The following BRF1 variants were observed in gnomAD, a reference collection of about 807,000 sequenced individuals.
BRF1 encodes the protein transcription factor IIIB 90 kDa subunit.
A neutral mutation model predicts 81.7 loss-of-function variants in BRF1; 59 were observed. The observed-to-expected ratio is 0.72, with a 90% CI of 0.59 to 0.90. The LOEUF is 0.90. Ranked by LOEUF, BRF1 falls within the 40% of genes least tolerant of loss-of-function variation. BRF1 has a pLI of 0.00. For missense variants in BRF1, 1,050 were observed against 936.3 expected, an observed-to-expected ratio of 1.12 and a Z score of -1.58; for synonymous variants, 491 against 395.6, an observed-to-expected ratio of 1.24 and a Z score of -2.86.
chr14:105,297,312 T>C (rs1462311162), intron 1 of BRF1, among the ~76,000 whole-genome samples: 1 of 152,088 alleles, frequency 6.6e-6, no homozygotes, highest in Non-Finnish European at 1.5e-5. Flanking sequence ...CTCCCACCTG[T>C]AATCCCAGCA....
At position 105,221,824 on chromosome 14, in the gene BRF1, T is replaced by C. The variant is rs765951217; in HGVS notation, c.1139A>G (p.Asp380Gly). 6.1e-5 allele frequency: 98 copies of C among 1,610,920 alleles called. 2 individuals are homozygous for C. In the South Asian group the frequency reaches 9.9e-4, roughly 16 times the overall value. The stretch of plus-strand genomic sequence containing the variant: ...ACCACCAAGGAGCTCCCGGTATAAG[T>C]CTTTGTTCAGGTGGCTGGCCGCGGC... ...LEAAASHLNKDLYRELLGGAP... is the reference protein window; with the variant it reads ...LEAAASHLNKGLYRELLGGAP... The change falls in exon 11 of 18, where the codon GAC (aspartate) becomes GGC (glycine). Residue 380 changes from aspartate to glycine, a missense_variant. By Grantham distance (94) the Asp-to-Gly change is moderately conservative. Coordinates refer to ENST00000547530, the MANE Select transcript of BRF1 (RefSeq NM_001519.4).
At chr14:105,229,225 G>A (rs768627925) in intron 6 of BRF1, among the ~76,000 whole-genome samples, 1 of 152,224 alleles carries the variant, frequency 6.6e-6, no homozygotes, top group Admixed American at 6.5e-5. Flanking sequence ...GGGAAACACA[G>A]CTTGTGATGG....
intron 10 of BRF1, among the ~76,000 whole-genome samples, chr14:105,223,237 G>A (rs1216506298): frequency 6.6e-6 from 1 of 152,102 alleles, no homozygotes; most frequent in Non-Finnish European, 1.5e-5. Flanking sequence ...ACATAACCCA[G>A]CAATTTCACT....
intron 5 of BRF1, among the ~76,000 whole-genome samples, chr14:105,244,034 CAG>C (rs2054906708): frequency 6.6e-6 from 1 of 151,978 alleles, no homozygotes; most frequent in Non-Finnish European, 1.5e-5. Flanking sequence ...ACAAGCCAGG[CAG>C]AGTGGCTCAT....
Position 105,217,808 on chromosome 14 carries a change from G to C in BRF1, c.1516-8C>G, listed in dbSNP as rs775528793. 4.4e-6 allele frequency: 7 copies of C among 1,608,286 alleles called. No homozygotes were observed. The highest frequency in any genetic ancestry group is 1.7e-5 in the Admixed American group (1 of 59,972). On this transcript the variant is annotated splice_region_variant and splice_polypyrimidine_tract_variant and intron_variant, in intron 14 of 17. Coordinates refer to ENST00000547530, the MANE Select transcript of BRF1 (RefSeq NM_001519.4). ...CTTGCAAGACTTCTTGGGCTTGAGG[G>C]AAACAAGCAAGAATGCCTCCCGTGA...
chr14:105,280,505 T>G (rs2057027036), intron 2 of BRF1, among the ~76,000 whole-genome samples: 1 of 152,198 alleles, frequency 6.6e-6, no homozygotes, highest in African/African-American at 2.4e-5. Context: ...AGCGTGAGCC[T>G]GGGTGTGTGG....
chr14:105,226,055 C>T lies in BRF1; in HGVS notation c.1048+14G>A. ...TTTAAAGGTCTGAATAGGGGCCGGG[C>T]ACAGTGGACTCACCATCTTTTGCCA... is the stretch of plus-strand genomic sequence containing the variant. On this transcript the variant is annotated intron_variant, in intron 10 of 17. Coordinates refer to ENST00000547530, the MANE Select transcript of BRF1 (RefSeq NM_001519.4). 3.7e-6 allele frequency: 6 copies of T among 1,611,404 alleles called. No homozygotes were observed. The highest frequency in any genetic ancestry group is 4.2e-6 in the Non-Finnish European group (5 of 1,178,236).
chr14:105,292,157 ATGTTTTCTTATTTTT>A (rs888819884), intron 1 of BRF1, among the ~76,000 whole-genome samples: 10 of 151,928 alleles, frequency 6.6e-5, no homozygotes, highest in Admixed American at 2.0e-4. Context: ...CGCCTAGCTA[ATGTTTTCTTATTTTT>A]TGTTTTCTTT....
At chr14:105,302,034 G>C (rs1215750912), upstream of BRF1, among the ~76,000 whole-genome samples, 1 of 151,822 alleles carries the variant, frequency 6.6e-6, no homozygotes, top group Non-Finnish European at 1.5e-5. Context: ...AGCTACTCGC[G>C]AGTCTGAGAC....
chr14:105,248,889 G>A (rs2055357364), intron 5 of BRF1: 6 of 987,146 alleles, frequency 6.1e-6, no homozygotes, highest in Non-Finnish European at 7.2e-6. Context: ...GGAACTCTAC[G>A]CTCCCGCCAG....
At chr14:105,219,749 T>C (rs1014949820) in intron 12 of BRF1, 4 of 480,236 alleles carry the variant, frequency 8.3e-6, no homozygotes, top group African/African-American at 7.7e-5. Context: ...GGGTGCCCTC[T>C]TGTGTCTAGA....
intron 1 of BRF1, among the ~76,000 whole-genome samples, chr14:105,295,652 T>C (rs2057707135): frequency 1.3e-5 from 2 of 151,840 alleles, no homozygotes; most frequent in Admixed American, 6.6e-5. Context: ...GGCATGGTAG[T>C]GCATGCCCGT....
At chr14:105,212,323 T>C (rs1334850324) in intron 15 of BRF1, 159 bp from the exon 16 acceptor site, 2 of 864,096 alleles carry the variant, frequency 2.3e-6, no homozygotes, top group Non-Finnish European at 3.6e-6. Flanking sequence ...GCTCCATCAG[T>C]GCTCACTGCA....
At chr14:105,241,634 T>C in intron 5 of BRF1, 1 of 621,320 alleles carries the variant, frequency 1.6e-6, no homozygotes, top group South Asian at 1.9e-5. Flanking sequence ...CCAGCCAGCC[T>C]GCTGCAGACA....
rs757382405 is a variant in BRF1, at chr14:105,272,746, C to A, written c.414G>T (p.Leu138=). 21 of 1,613,004 alleles carry A rather than the reference C, an allele frequency of 1.3e-5. No individual in the cohort carries two copies. In the Admixed American group the frequency reaches 2.5e-4, roughly 19 times the overall value. The change falls in exon 3 of 18, where the codon CTG becomes CTT. Residue 138 remains leucine, a synonymous_variant. Coordinates refer to ENST00000547530, the MANE Select transcript of BRF1 (RefSeq NM_001519.4). Reference sequence around the variant, plus strand: ...GCGGCGTGCCCTCCGTACGGCAGACCAGGTAGAGGCAGGCAGCAATCACGT... The same window carrying A: ...GCGGCGTGCCCTCCGTACGGCAGACAAGGTAGAGGCAGGCAGCAATCACGT... ...MAHVIAACLY[L]VCRTEGTPHM... is the part of the protein sequence containing the mutation.
chr14:105,308,343 G>A (rs1490211593), intron 1 of BRF1, among the ~76,000 whole-genome samples: 2 of 151,990 alleles, frequency 1.3e-5, no homozygotes, highest in Non-Finnish European at 2.9e-5. Flanking sequence ...TTAGCCAGGT[G>A]TGGTGGTACA....
At chr14:105,219,662 G>A (rs1271221120) in intron 12 of BRF1, 3 of 399,698 alleles carry the variant, frequency 7.5e-6, no homozygotes, top group South Asian at 4.0e-5. Flanking sequence ...CAAGTATATT[G>A]AGATAAACTG....
At position 105,210,565 on chromosome 14, in the gene BRF1, C is replaced by T. The variant is rs752747979; in HGVS notation, c.2020G>A (p.Asp674Asn). 2 of 1,611,610 alleles carry T rather than the reference C, an allele frequency of 1.2e-6. No individual in the cohort carries two copies. The highest frequency in any genetic ancestry group is 1.7e-6 in the Non-Finnish European group (2 of 1,179,926). The change falls in exon 18 of 18, where the codon GAC becomes AAC. Residue 674 changes from aspartate (D) to asparagine (N), a missense_variant. By Grantham distance (23) the Asp-to-Asn change is conservative (BLOSUM62 1). This residue lies in a region of BRF1 where 1,043 missense variants were observed against 915.4 expected (regional missense o/e 1.14). Coordinates refer to ENST00000547530, the MANE Select transcript of BRF1 (RefSeq NM_001519.4). This position sits in a 1 kb window ranked among gnomAD's most constrained non-coding sequence, Gnocchi z 4.7. ...SNDYGCDGDE[D>N]DGY The stretch of plus-strand genomic sequence containing the variant: ...GAGGCCACACTTCAGTAGCCGTCGT[C>T]CTCATCGCCATCACAGCCATAGTCT...
At chr14:105,265,058 T>TG (rs2056343506) in intron 3 of BRF1, among the ~76,000 whole-genome samples, 3 of 146,512 alleles carry the variant, frequency 2.0e-5, no homozygotes, top group African/African-American at 5.1e-5. Flanking sequence ...TTTTTTGTTT[T>TG]TTTTTTGTTT....
Sources: gnomAD v4.1 joint callset for allele counts (sites outside exome capture counted in the v4.1 genomes callset) on GRCh38, gnomAD v4.1.1 for gene constraint, gnomAD v4.1.1 regional missense constraint, Gnocchi (gnomAD v3.1) non-coding constraint, MANE v1.5 for transcripts, NCBI Gene and HGNC (gene_info 2026-07-23, HGNC 2026-07-21) for gene names.